The following ZNF407 variants were observed in gnomAD, a reference collection of about 807,000 sequenced individuals.
ZNF407 encodes the protein zinc finger protein 407.
Under a neutral mutation model 131.2 loss-of-function variants are expected in ZNF407, and 17 were observed. The ratio of observed to expected loss-of-function variants is 0.13; its 90% CI spans 0.09 to 0.19. ZNF407 has a LOEUF of 0.19. ZNF407 is among the 10% of genes least tolerant of loss of function. ZNF407 has a pLI of 1.00. For missense variants in ZNF407, 2,681 were observed against 2,830.6 expected (o/e 0.95, Z 1.20); for synonymous variants, 1,156 against 1,062.0 (o/e 1.09, Z -1.72).
At chr18:75,023,633 C>T (rs1223716217) in intron 8 of ZNF407, among the ~76,000 whole-genome samples, 1 of 152,126 alleles carries the variant, frequency 6.6e-6, no homozygotes, top group Non-Finnish European at 1.5e-5. Context: ...CTCCTTCATC[C>T]CACAGTGGCA....
intron 3 of ZNF407, among the ~76,000 whole-genome samples, chr18:74,655,946 A>G (rs1985437252): frequency 6.6e-6 from 1 of 152,154 alleles, no homozygotes; most frequent in Non-Finnish European, 1.5e-5. Context: ...TATTATTAAT[A>G]AGCATTTTTG....
chr18:74,601,854 T>A (rs991934204), intron 1 of ZNF407, among the ~76,000 whole-genome samples: 1 of 152,152 alleles, frequency 6.6e-6, no homozygotes, highest in Non-Finnish European at 1.5e-5. Flanking sequence ...CCAAACTGTT[T>A]CGAGGGGAAT....
intron 4 of ZNF407, among the ~76,000 whole-genome samples, chr18:74,813,314 T>C (rs765807182): frequency 2.0e-4 from 30 of 152,268 alleles, no homozygotes; most frequent in South Asian, 4.1e-4. Context: ...GCTCCTTGTG[T>C]TCTGGGGAGG....
At chr18:74,816,580 G>T (rs2628101) in intron 4 of ZNF407, among the ~76,000 whole-genome samples, 3,186 of 152,100 alleles carry the variant, frequency 0.021, 142 homozygotes, top group African/African-American at 0.073. Flanking sequence ...TTGTTTGGTG[G>T]CTTTGATTTA....
chr18:74,908,180 G>A (rs1404667662), intron 7 of ZNF407, among the ~76,000 whole-genome samples: 1 of 151,980 alleles, frequency 6.6e-6, no homozygotes, highest in Non-Finnish European at 1.5e-5. Flanking sequence ...TATTTATGAT[G>A]CATTATGCTA....
At chr18:74,645,263 G>A (rs943075688) in intron 3 of ZNF407, among the ~76,000 whole-genome samples, 1 of 151,928 alleles carries the variant, frequency 6.6e-6, no homozygotes, top group Admixed American at 6.6e-5. Context: ...TTTTTGTTCT[G>A]CAGTGTTAGT....
At chr18:74,599,851 G>A (rs1272036552) in intron 1 of ZNF407, among the ~76,000 whole-genome samples, 2 of 152,144 alleles carry the variant, frequency 1.3e-5, no homozygotes, top group Non-Finnish European at 2.9e-5. Flanking sequence ...ATGAATAGGC[G>A]AATAAATTAA....
rs765672588 is a variant in ZNF407 at position 75,063,937 on chromosome 18, A to C, written c.6216A>C (p.Ala2072=). The change falls in exon 9 of 9, where the codon GCA becomes GCC. Residue 2072 remains alanine (A), a synonymous_variant. Coordinates refer to ENST00000299687, the MANE Select transcript of ZNF407 (RefSeq NM_017757.3). The surrounding 1 kb of genome is among the most constrained non-coding windows in gnomAD (Gnocchi z 6.6). The part of the protein sequence containing the change: ...PSAAMASQER[A]QVAFKKMVQG... Reference sequence around the variant, plus strand: ...CAGCCATGGCCTCTCAGGAGCGGGCACAGGTGGCCTTCAAGAAGATGGTCC... The same window carrying C: ...CAGCCATGGCCTCTCAGGAGCGGGCCCAGGTGGCCTTCAAGAAGATGGTCC... The C allele has an allele frequency of 1.9e-6, 3 of 1,613,716 alleles. No individual in the cohort carries two copies. The highest frequency in any genetic ancestry group is 2.5e-6 in the Non-Finnish European group (3 of 1,179,860).
At chr18:75,052,115 C>G (rs192933198) in intron 8 of ZNF407, among the ~76,000 whole-genome samples, 1 of 152,080 alleles carries the variant, frequency 6.6e-6, no homozygotes, top group Non-Finnish European at 1.5e-5. Context: ...TGCTTGCATA[C>G]GTGTGCATGT....
chr18:74,625,894 G>T (rs914469006), intron 1 of ZNF407, among the ~76,000 whole-genome samples: 4 of 152,112 alleles, frequency 2.6e-5, no homozygotes, highest in African/African-American at 9.7e-5. Flanking sequence ...ACAGTCTAGC[G>T]TGTAGAGACA....
chr18:74,749,477 T>C (rs1968748158), intron 3 of ZNF407, among the ~76,000 whole-genome samples: 1 of 152,226 alleles, frequency 6.6e-6, no homozygotes, highest in Admixed American at 6.5e-5. Context: ...AGATGTTGTT[T>C]TAACTATGTA....
chr18:74,791,283 A>G (rs1969820772), intron 4 of ZNF407, among the ~76,000 whole-genome samples: 1 of 152,248 alleles, frequency 6.6e-6, no homozygotes, highest in Admixed American at 6.5e-5. Context: ...AAAACAGTCA[A>G]ATATTGTTAA....
In ZNF407 at chr18:75,064,155, T is replaced by G. The variant is rs916105224; in HGVS notation, c.6434T>G (p.Ile2145Ser). 1 of 1,604,700 alleles carries G rather than the reference T, an allele frequency of 6.2e-7. No homozygotes were observed. Among genetic ancestry groups the G allele is most frequent in the Non-Finnish European group, 8.5e-7 (1 of 1,175,948 alleles). Residue 2145 changes from isoleucine to serine, a missense_variant, in exon 9 of 9, where the codon ATC (isoleucine) becomes AGC (serine). Around this residue, in one of 6 missense-constraint regions of ZNF407, gnomAD observed 620 missense variants for 583.1 expected, o/e 1.06. Coordinates refer to ENST00000299687, the MANE Select transcript of ZNF407 (RefSeq NM_017757.3). ...GAGTCCGACGGGGAGATCTCGCAGA[T>G]CATCGTGACGGAGGAGCTGGTCCAG... The part of the protein sequence containing the change: ...LVESDGEISQ[I>S]IVTEELVQAM...
At chr18:74,910,743 A>G (rs1971658669) in intron 7 of ZNF407, among the ~76,000 whole-genome samples, 1 of 152,170 alleles carries the variant, frequency 6.6e-6, no homozygotes, top group Non-Finnish European at 1.5e-5. Context: ...TAAGTATAAT[A>G]ATTTTCAAAA....
At chr18:75,011,580 A>G (rs1039587457) in intron 8 of ZNF407, among the ~76,000 whole-genome samples, 3 of 152,166 alleles carry the variant, frequency 2.0e-5, no homozygotes, top group Admixed American at 1.3e-4. Flanking sequence ...GTAAGAAAAT[A>G]TTCATCCATT....
At chr18:74,934,677 G>C (rs575881749) in intron 8 of ZNF407, among the ~76,000 whole-genome samples, 1 of 152,168 alleles carries the variant, frequency 6.6e-6, no homozygotes, top group Non-Finnish European at 1.5e-5. Flanking sequence ...ATGGTGGCGC[G>C]TGCCTGTAAT....
chr18:74,850,633 A>G lies in ZNF407; in HGVS notation c.4878-26564A>G, dbSNP rs537457004. On this transcript the variant is annotated intron_variant, in intron 4 of 8. Coordinates refer to ENST00000299687, the MANE Select transcript of ZNF407 (RefSeq NM_017757.3). ...CTTATACTCTTTTCTTTGGTTTATA[A>G]CAAATAAAGGCTGATGCTTTCAGTT... is the stretch of plus-strand genomic sequence containing the variant. Among the ~76,000 whole-genome samples, 27 of 152,318 alleles carry G rather than the reference A, an allele frequency of 1.8e-4. No individual in the cohort carries two copies. In the South Asian group the frequency reaches 5.0e-3, roughly 28 times the overall value.
At chr18:74,996,762 GAAAAT>G (rs367843715) in intron 8 of ZNF407, among the ~76,000 whole-genome samples, 2 of 152,208 alleles carry the variant, frequency 1.3e-5, no homozygotes, top group African/African-American at 2.4e-5. Context: ...GCAAGGCAGA[GAAAAT>G]AAAATAAAAA....
chr18:74,693,808 TCTGTTTACTACCC>T (rs1967286542), intron 3 of ZNF407, among the ~76,000 whole-genome samples: 1 of 152,222 alleles, frequency 6.6e-6, no homozygotes. Flanking sequence ...CAGATTTTTT[TCTGTTTACTACCC>T]TATTTACCTG....
Sources: gnomAD v4.1 joint callset for allele counts (sites outside exome capture counted in the v4.1 genomes callset) on GRCh38, gnomAD v4.1.1 for gene constraint, gnomAD v4.1.1 regional missense constraint, Gnocchi (gnomAD v3.1) non-coding constraint, MANE v1.5 for transcripts, NCBI Gene and HGNC (gene_info 2026-07-23, HGNC 2026-07-21) for gene names.